CYREN: variants seen among roughly 807,000 people sequenced by gnomAD.
CYREN encodes the protein cell cycle regulator of non-homologous end joining.
CYREN carries 7 observed loss-of-function variants against 9.7 expected under a neutral mutation model. That is an observed-to-expected ratio of 0.72 (90% CI 0.41 to 1.36). The LOEUF (loss-of-function observed/expected upper bound fraction) is 1.36, where lower values mean the gene tolerates loss of function less well. CYREN is among the 40% of genes most tolerant of loss of function. The pLI is 0.01. For synonymous variants in CYREN, 76 were observed against 77.9 expected (o/e 0.98, Z 0.13); for missense variants, 215 against 198.1 (o/e 1.09, Z -0.51).
At chr7:135,129,452 G>A (rs1398389311) in intron 2 of CYREN, 1 of 779,596 alleles carries the variant, frequency 1.3e-6, no homozygotes, top group Non-Finnish European at 2.4e-6. Context: ...AAAGTAAGGA[G>A]TGGCTAGAGA....
chr7:135,133,387 A>G (rs73442136), intron 2 of CYREN, among the ~76,000 whole-genome samples: 1,821 of 152,334 alleles, frequency 0.012, 39 homozygotes, highest in African/African-American at 0.042. Flanking sequence ...CACGATGCCT[A>G]TCAAAATCCC....
At position 135,155,558 on chromosome 7, in the gene CYREN, G is replaced by A. The variant is rs1038673349; in HGVS notation, n.356+13191C>T. On this transcript the variant is annotated intron_variant and non_coding_transcript_variant, in intron 2 of 2. Coordinates refer to the CYREN transcript ENST00000459937. ...AATATCAACCTTTTGGCTGGGCATC[G>A]TGGCTCATGCCTTTAATCCCAGTGC... 1.8e-4 allele frequency among the ~76,000 whole-genome samples: 28 copies of A among 152,288 alleles called. 1 individual carries two copies. The highest frequency in any genetic ancestry group is 1.5e-3 in the South Asian group (7 of 4,826).
chr7:135,099,882 C>CTTTTTTTTTTTTTTTTT (rs34324217), intron 2 of CYREN: 1 of 62,700 alleles, frequency 1.6e-5, no homozygotes. Context: ...CTGAGTTTCT[C>CTTTTTTTTTTTTTTTTT]TTTTTTTTTT....
intron 2 of CYREN, among the ~76,000 whole-genome samples, chr7:135,132,546 T>C (rs971492137): frequency 2.6e-5 from 4 of 152,186 alleles, no homozygotes; most frequent in African/African-American, 7.2e-5. Flanking sequence ...CCACTTGATA[T>C]AGTTTGGCTG....
chr7:135,128,291 C>CAAAAAAAAAA (rs61217008), intron 2 of CYREN, among the ~76,000 whole-genome samples: 1 of 58,074 alleles, frequency 1.7e-5, no homozygotes, highest in African/African-American at 8.1e-5. Context: ...GACTCCATCT[C>CAAAAAAAAAA]AAAAAAAAAA....
At chr7:135,095,720 T>C (rs1320668519) in intron 2 of CYREN, among the ~76,000 whole-genome samples, 2 of 152,182 alleles carry the variant, frequency 1.3e-5, no homozygotes, top group East Asian at 1.9e-4. Flanking sequence ...TCACTGTCAC[T>C]TTTTTTCCCC....
At chr7:135,097,718 C>G (rs1823121327) in intron 2 of CYREN, among the ~76,000 whole-genome samples, 1 of 151,994 alleles carries the variant, frequency 6.6e-6, no homozygotes, top group Non-Finnish European at 1.5e-5. Flanking sequence ...AGACTTCTGA[C>G]TTTATGGAAA....
Position 135,138,176 on chromosome 7 carries a change from T to C in CYREN, n.356+30573A>G, listed in dbSNP as rs138607279. Reference sequence around the variant, plus strand: ...TCTCTAGAGCTGCTCTTTTTTTTAATGTTAAAAGAAATTCTTTAGAAAGGA... The same window carrying C: ...TCTCTAGAGCTGCTCTTTTTTTTAACGTTAAAAGAAATTCTTTAGAAAGGA... On this transcript the variant is annotated intron_variant and non_coding_transcript_variant, in intron 2 of 2. Transcript: ENST00000459937. 5.9e-5 allele frequency among the ~76,000 whole-genome samples: 9 copies of C among 152,094 alleles called. No homozygotes were observed. The East Asian group carries it at 9.7e-4, about 16-fold the overall frequency.
chr7:135,102,723 A>G (rs1261040586), intron 2 of CYREN, among the ~76,000 whole-genome samples: 1 of 151,764 alleles, frequency 6.6e-6, no homozygotes, highest in African/African-American at 2.4e-5. Context: ...AAATATTCAT[A>G]TAAAAATTAA....
chr7:135,119,481 T>C (rs78821436), intron 2 of CYREN, among the ~76,000 whole-genome samples: 5,570 of 151,532 alleles, frequency 0.037, 329 homozygotes, highest in African/African-American at 0.13. Context: ...TCTGACTCCC[T>C]CAGCTCCCAA....
At chr7:135,101,913 G>A (rs986977599) in intron 2 of CYREN, among the ~76,000 whole-genome samples, 6 of 152,158 alleles carry the variant, frequency 3.9e-5, no homozygotes, top group African/African-American at 1.4e-4. Context: ...CTGTCCTCAT[G>A]ATAGTAAATA....
intron 2 of CYREN, among the ~76,000 whole-genome samples, chr7:135,150,946 C>T (rs556628287): frequency 1.2e-4 from 18 of 152,098 alleles, no homozygotes; most frequent in Non-Finnish European, 2.5e-4. Flanking sequence ...AATCTTTGTT[C>T]CCACTTGGAT....
At chr7:135,131,444 A>G (rs904364369) in intron 2 of CYREN, among the ~76,000 whole-genome samples, 1 of 126,958 alleles carries the variant, frequency 7.9e-6, no homozygotes, top group Non-Finnish European at 1.7e-5. Context: ...TAGAAGAAAT[A>G]AAGGAAACAA....
At chr7:135,100,194 A>T (rs13237009) in intron 2 of CYREN, 73,470 of 138,616 alleles carry the variant, frequency 0.53, 18,302 homozygotes, top group East Asian at 0.79. Context: ...GTTTCTCTTT[A>T]AAAAAAAAAA....
chr7:135,128,507 A>G, intron 2 of CYREN: 1 of 759,286 alleles, frequency 1.3e-6, no homozygotes, highest in Admixed American at 1.7e-5. Context: ...TACGATGGAG[A>G]TGAATTTAGA....
At chr7:135,116,429 TA>T (rs1826321336) in intron 2 of CYREN, among the ~76,000 whole-genome samples, 1 of 152,168 alleles carries the variant, frequency 6.6e-6, no homozygotes. Flanking sequence ...AATACTTTCA[TA>T]AGAAAATGGG....
rs1340270806 is a variant in CYREN, at chr7:135,134,973, G to T, written n.356+33776C>A. ...AATGGGTCCAGTCTAAGCCCCACAG[G>T]TCATTGGAAAGTTTATCACCTCTCA... On this transcript the variant is annotated intron_variant and non_coding_transcript_variant, in intron 2 of 2. Transcript: ENST00000459937. 21 of 1,551,056 alleles carry T rather than the reference G, an allele frequency of 1.4e-5. No homozygotes were observed. The highest frequency in any genetic ancestry group is 1.7e-5 in the Non-Finnish European group (19 of 1,146,674).
At chr7:135,142,452 G>T (rs1415029534) in intron 2 of CYREN, among the ~76,000 whole-genome samples, 1 of 152,058 alleles carries the variant, frequency 6.6e-6, no homozygotes, top group Admixed American at 6.6e-5. Context: ...TAAGTGTTGG[G>T]GTTGCAAAAG....
rs528534232 is a variant in CYREN at position 135,109,819 on chromosome 7, C to A, written n.357-15237G>T. On this transcript the variant is annotated intron_variant and non_coding_transcript_variant, in intron 2 of 2. Transcript: ENST00000459937. ...CCAATCCCTAATCACCTCAGACTGT[C>A]TAGAGCCTGAAGGCAAACATGGCTA... is the stretch of plus-strand genomic sequence containing the variant. Among the ~76,000 whole-genome samples, 15 of 152,274 alleles carry A rather than the reference C, an allele frequency of 9.9e-5. 1 individual carries two copies. The South Asian group carries it at 2.5e-3, about 25-fold the overall frequency.
Sources: allele counts gnomAD v4.1 joint callset (sites outside exome capture counted in the v4.1 genomes callset), GRCh38; gene constraint gnomAD v4.1.1; transcripts MANE v1.5; gene names NCBI Gene and HGNC (gene_info 2026-07-23, HGNC 2026-07-21).